Variants in LPP observed in about 807,000 individuals in gnomAD.
LPP encodes the protein LIM domain containing preferred translocation partner in lipoma.
In LPP, 38 loss-of-function variants were observed where a neutral mutation model predicts 60.4. The ratio of observed to expected loss-of-function variants is 0.63; its 90% confidence interval spans 0.49 to 0.83. The LOEUF is 0.83. Among genes scored for constraint, LPP ranks in the 40% least tolerant of loss-of-function variants. LPP has a pLI of 0.00. For missense variants in LPP, 902 were observed against 783.6 expected, an observed-to-expected ratio of 1.15 and a Z score of -1.80; for synonymous variants, 328 against 290.8, an observed-to-expected ratio of 1.13 and a Z score of -1.30.
At chr3:188,285,226 G>T (rs1743526272) in intron 2 of LPP, among the ~76,000 whole-genome samples, 1 of 152,076 alleles carries the variant, frequency 6.6e-6, no homozygotes, top group Non-Finnish European at 1.5e-5. Context: ...GTTGGTCGTA[G>T]GATAATAAAG....
intron 6 of LPP, among the ~76,000 whole-genome samples, chr3:188,605,477 T>C (rs1842211096): frequency 6.6e-6 from 1 of 151,936 alleles, no homozygotes; most frequent in Admixed American, 6.6e-5. Flanking sequence ...ATATATTGAG[T>C]CTGAAAAGCA....
chr3:188,653,230 A>G (rs1852450376), intron 7 of LPP, among the ~76,000 whole-genome samples: 1 of 152,192 alleles, frequency 6.6e-6, no homozygotes, highest in African/African-American at 2.4e-5. Flanking sequence ...AATCTCCCCA[A>G]GCATCATCTA....
At chr3:188,512,576 T>G (rs1353195332) in intron 5 of LPP, among the ~76,000 whole-genome samples, 1 of 150,908 alleles carries the variant, frequency 6.6e-6, no homozygotes, top group South Asian at 2.1e-4. Context: ...AATAAATAAA[T>G]AAATAAATAA....
chr3:188,284,114 G>A (rs980190444), intron 2 of LPP, among the ~76,000 whole-genome samples: 11 of 151,948 alleles, frequency 7.2e-5, no homozygotes, highest in African/African-American at 2.2e-4. Context: ...CATCTCGGCC[G>A]GACGCAGTGG....
intron 1 of LPP, among the ~76,000 whole-genome samples, chr3:188,174,019 G>A (rs991793841): frequency 6.6e-6 from 1 of 152,162 alleles, no homozygotes; most frequent in African/African-American, 2.4e-5. Context: ...GTTTTACCCT[G>A]TGAAAGTTAA....
Position 188,215,628 on chromosome 3 carries a change from A to C in LPP, c.-189-9777A>C, listed in dbSNP as rs528334382. Among the ~76,000 whole-genome samples, 11 of 152,278 alleles carry C rather than the reference A, an allele frequency of 7.2e-5. 1 individual carries two copies. The South Asian group carries it at 1.9e-3, about 26-fold the overall frequency. ...CAGAATTTCTCCTTTTTAAGGGTGA[A>C]TTATATTCTGTGGTAATGAATATAC... On this transcript the variant is annotated intron_variant, in intron 1 of 11. Transcript: ENST00000617246.
At chr3:188,466,822 T>TAG (rs1800540072) in intron 4 of LPP, among the ~76,000 whole-genome samples, 1 of 119,302 alleles carries the variant, frequency 8.4e-6, no homozygotes, top group Non-Finnish European at 1.7e-5. Context: ...TATATATATA[T>TAG]ATATATATAT....
chr3:188,391,439 A>G (rs1202451549), intron 3 of LPP, among the ~76,000 whole-genome samples: 1 of 152,116 alleles, frequency 6.6e-6, no homozygotes, highest in African/African-American at 2.4e-5. Flanking sequence ...ATAAAATATC[A>G]TTATTGCCCA....
In LPP at chr3:188,371,905, G is replaced by A. The variant is rs184340070; in HGVS notation, c.-10+30186G>A. On this transcript the variant is annotated intron_variant, in intron 3 of 11. Coordinates refer to ENST00000617246, the MANE Select transcript of LPP (RefSeq NM_001375462.1). ...ACTCCTGACCTCAAGTGATCCGCCC[G>A]TCTTGGCTTCCCAAACTGCTGGGAT... Among the ~76,000 whole-genome samples, 67 of 151,300 alleles carry A rather than the reference G, an allele frequency of 4.4e-4. No individual in the cohort carries two copies. In the East Asian group the frequency reaches 7.8e-3, roughly 18 times the overall value.
At chr3:188,439,450 C>T (rs1032485154) in intron 4 of LPP, among the ~76,000 whole-genome samples, 3 of 152,168 alleles carry the variant, frequency 2.0e-5, no homozygotes, top group Non-Finnish European at 2.9e-5. Context: ...TCATGTTTTG[C>T]TCCTTGGTAG....
chr3:188,524,265 TC>T (rs1819838347), intron 5 of LPP, among the ~76,000 whole-genome samples: 1 of 152,228 alleles, frequency 6.6e-6, no homozygotes, highest in African/African-American at 2.4e-5. Context: ...CCGTGTTCCT[TC>T]CCTGCTCCTT....
At chr3:188,807,879 G>C (rs978475523) in intron 9 of LPP, among the ~76,000 whole-genome samples, 2 of 152,084 alleles carry the variant, frequency 1.3e-5, no homozygotes, top group Non-Finnish European at 2.9e-5. Context: ...TTTGTCTCTT[G>C]ACAGTGTGTT....
chr3:188,404,229 G>T (rs1782897520), intron 3 of LPP, among the ~76,000 whole-genome samples: 1 of 151,834 alleles, frequency 6.6e-6, no homozygotes. Context: ...TGAGAGTTAA[G>T]GAAGACAGAG....
At chr3:188,229,955 A>G (rs528465422) in intron 2 of LPP, among the ~76,000 whole-genome samples, 1 of 152,276 alleles carries the variant, frequency 6.6e-6, no homozygotes, top group Non-Finnish European at 1.5e-5. Context: ...CCCTGATCTC[A>G]GTGTTGGTCT....
chr3:188,725,545 G>A (rs1718062287), intron 8 of LPP: 1 of 152,078 alleles, frequency 6.6e-6, no homozygotes, highest in Non-Finnish European at 1.5e-5. Context: ...TGTTGCTAGG[G>A]GCTTGTAATC....
At chr3:188,699,725 T>C (rs1315720302) in intron 7 of LPP, among the ~76,000 whole-genome samples, 2 of 152,158 alleles carry the variant, frequency 1.3e-5, no homozygotes, top group East Asian at 3.9e-4. Flanking sequence ...ATTCAGATAG[T>C]CAGGTATCCA....
intron 1 of LPP, among the ~76,000 whole-genome samples, chr3:188,224,360 C>T (rs114220177): frequency 0.016 from 2,369 of 152,252 alleles, 31 homozygotes; most frequent in Non-Finnish European, 0.026. Context: ...ATGGTAGTTT[C>T]TCGTATGTGG....
At chr3:188,154,112 G>C (rs1379653352), upstream of LPP, 2 of 167,564 alleles carry the variant, frequency 1.2e-5, no homozygotes, top group East Asian at 3.6e-4. Flanking sequence ...GCGCGGGGCC[G>C]GGCCTGTCCG....
rs766125375 is a variant in LPP at position 188,442,865 on chromosome 3, GT to G, written c.193+36553del. ...CGTCTTGAGAATGTCAGCTGGCTCT[GT>G]GAAGAAGAAGAAGAGCAGATACGTG... is the stretch of plus-strand genomic sequence containing the variant. On this transcript the variant is annotated intron_variant, in intron 4 of 11. Coordinates refer to ENST00000617246, the MANE Select transcript of LPP (RefSeq NM_001375462.1). 9.3e-4 allele frequency among the ~76,000 whole-genome samples: 142 copies of G among 152,324 alleles called. 1 individual carries two copies. Among genetic ancestry groups the G allele is most frequent in the Admixed American group, 1.8e-3 (27 of 15,304 alleles).
Sources: allele counts gnomAD v4.1 joint callset (sites outside exome capture counted in the v4.1 genomes callset), GRCh38; gene constraint gnomAD v4.1.1; transcripts MANE v1.5; gene names NCBI Gene and HGNC (gene_info 2026-07-23, HGNC 2026-07-21).